SLC44A2: variants seen among roughly 807,000 people sequenced by gnomAD.
SLC44A2 encodes the protein solute carrier family 44 member 2 (CTL2 blood group).
A neutral mutation model predicts 90.8 loss-of-function variants in SLC44A2; 57 were observed. The observed-to-expected ratio is 0.63, with a 90% CI of 0.51 to 0.78. The LOEUF (loss-of-function observed/expected upper bound fraction) is 0.78, where lower values mean the gene tolerates loss of function less well. Ranked by LOEUF, SLC44A2 falls within the 30% of genes least tolerant of loss-of-function variation. The pLI is 0.00. For missense variants in SLC44A2, 794 were observed against 919.7 expected (o/e 0.86, Z 1.77); for synonymous variants, 355 against 360.7 (o/e 0.98, Z 0.18).
At chr19:10,621,319 T>C (rs1423966282), upstream of SLC44A2, among the ~76,000 whole-genome samples, 1 of 147,318 alleles carries the variant, frequency 6.8e-6, no homozygotes, top group Non-Finnish European at 1.5e-5. Flanking sequence ...ACCACTGCAC[T>C]CCAGCCTGGG....
chr19:10,602,532 T>C, exon 1 of SLC44A2: 1 of 1,277,724 alleles, frequency 7.8e-7, no homozygotes, highest in Non-Finnish European at 9.9e-7. Context: ...GCCGCGGCCA[T>C]GGAGGACGAG....
rs199756191 is a variant in SLC44A2, at chr19:10,631,418, T to G, written c.441+33T>G. 61 of 1,613,998 alleles carry G rather than the reference T, an allele frequency of 3.8e-5. No individual in the cohort carries two copies. The East Asian group carries it at 1.4e-3, about 36-fold the overall frequency. On this transcript the variant is annotated intron_variant, in intron 6 of 21. Coordinates refer to ENST00000335757, the MANE Select transcript of SLC44A2 (RefSeq NM_020428.4). ...GTAGACTGTCCTGAGAGCACAGGTATGGGCAGTGGCAGTGTACTAGACTTG... is the reference window on the plus strand; with the variant it reads ...GTAGACTGTCCTGAGAGCACAGGTAGGGGCAGTGGCAGTGTACTAGACTTG...
intron 21 of SLC44A2, chr19:10,642,933 G>C (rs745387734): frequency 1.3e-6 from 2 of 1,595,082 alleles, no homozygotes; most frequent in Non-Finnish European, 1.7e-6. Flanking sequence ...TCTCAGGAGC[G>C]ACCCTACTTC....
intron 21 of SLC44A2, chr19:10,642,853 C>A: frequency 1.3e-6 from 2 of 1,535,888 alleles, no homozygotes; most frequent in East Asian, 2.4e-5. Flanking sequence ...CCTCCCTTCC[C>A]GACCACCCCA....
At position 10,631,344 on chromosome 19, in the gene SLC44A2, T is replaced by C. The variant is rs1254495607; in HGVS notation, c.400T>C (p.Tyr134His). Residue 134 changes from tyrosine (Y) to histidine (H), a missense_variant, in exon 6 of 22, where the codon TAC becomes CAC. Physicochemically the swap from Tyr to His is moderately conservative, Grantham distance 83 (BLOSUM62 2). Transcript: ENST00000335757. ...TGCTCGCAGCTCCCGGGACTTTGAG[T>C]ACTATAAGCAGTTCTGTGTTCCTGG... is the stretch of plus-strand genomic sequence containing the variant. Reference protein sequence around the residue: ...LNARSSRDFEYYKQFCVPGFK... With the variant: ...LNARSSRDFEHYKQFCVPGFK... The C allele has an allele frequency of 6.2e-7, 1 of 1,614,142 alleles. No individual in the cohort carries two copies. Among genetic ancestry groups the C allele is most frequent in the Non-Finnish European group, 8.5e-7 (1 of 1,180,042 alleles).
chr19:10,629,211 A>G (rs2066966699), intron 4 of SLC44A2, among the ~76,000 whole-genome samples: 2 of 151,146 alleles, frequency 1.3e-5, no homozygotes, highest in Non-Finnish European at 1.5e-5. Context: ...CTCAAAAAAA[A>G]AAAAAAGAAT....
chr19:10,622,327 G>A (rs535274376), upstream of SLC44A2, among the ~76,000 whole-genome samples: 69 of 152,160 alleles, frequency 4.5e-4, no homozygotes, highest in Middle Eastern at 3.4e-3. Flanking sequence ...CTTTTTCCTC[G>A]GAATGAGGTG....
At chr19:10,604,244 C>T (rs1315768026) in intron 1 of SLC44A2, among the ~76,000 whole-genome samples, 3 of 151,992 alleles carry the variant, frequency 2.0e-5, no homozygotes, top group South Asian at 2.1e-4. Context: ...GAAACAGCAG[C>T]GATTATTTTA....
chr19:10,642,254 A>T (rs1052677514), intron 20 of SLC44A2, 113 bp from the exon 21 acceptor site: 1 of 847,610 alleles, frequency 1.2e-6, no homozygotes, highest in African/African-American at 1.7e-5. Context: ...CACTAATCCA[A>T]AGAGGGTTTC....
chr19:10,636,250 C>T, intron 14 of SLC44A2, 73 bp from the exon 15 acceptor site: 8 of 1,531,134 alleles, frequency 5.2e-6, no homozygotes, highest in Non-Finnish European at 6.2e-6. Context: ...CCTGGCCCCA[C>T]ACCTGATGCT....
At position 10,636,372 on chromosome 19, in the gene SLC44A2, A is replaced by G; in HGVS notation, c.1283A>G (p.Gln428Arg). Reference sequence around the variant, plus strand: ...CGCCAATGCCCCAATGCCCGTTGCCAGTTCGCCTTCTACGGTGGTGAGTCG... The same window carrying G: ...CGCCAATGCCCCAATGCCCGTTGCCGGTTCGCCTTCTACGGTGGTGAGTCG... ...ESRQCPNARC[Q>R]FAFYGGESGY... The change falls in exon 15 of 22, where the codon CAG (glutamine) becomes CGG (arginine). Residue 428 changes from glutamine to arginine, a missense_variant. By Grantham distance (43) the Gln-to-Arg change is conservative. Around this residue, in one of 3 missense-constraint regions of SLC44A2, gnomAD observed 738 missense variants for 841.1 expected, o/e 0.88. Coordinates refer to ENST00000335757, the MANE Select transcript of SLC44A2 (RefSeq NM_020428.4). The G allele has an allele frequency of 6.2e-7, 1 of 1,613,468 alleles. No individual in the cohort carries two copies. Among genetic ancestry groups the G allele is most frequent in the Non-Finnish European group, 8.5e-7 (1 of 1,179,816 alleles).
intron 1 of SLC44A2, among the ~76,000 whole-genome samples, chr19:10,606,852 C>T (rs1194706286): frequency 8.4e-6 from 1 of 119,744 alleles, no homozygotes; most frequent in African/African-American, 3.0e-5. Context: ...TATATATATA[C>T]ACATACACAT....
chr19:10,631,578 G>C, intron 7 of SLC44A2, 43 bp downstream of exon 7: 1 of 1,613,966 alleles, frequency 6.2e-7, no homozygotes, highest in South Asian at 1.1e-5. Flanking sequence ...TGACGGGGAG[G>C]CTCTGCAGAG....
Position 10,643,277 on chromosome 19 carries a change from A to C in SLC44A2, c.2015-2A>C. ...CTCCTGCTCTGGGACCTCTCTCCAC[A>C]GTGGAGGACCTGGAGAGGAATGACG... On this transcript the variant is annotated splice_acceptor_variant, in intron 21 of 21. Transcript: ENST00000335757. LOFTEE classifies it high-confidence loss of function. 1 of 1,609,542 alleles carries C rather than the reference A, an allele frequency of 6.2e-7. No homozygotes were observed.
intron 20 of SLC44A2, chr19:10,641,182 C>T (rs934503385): frequency 2.8e-6 from 1 of 355,694 alleles, no homozygotes; most frequent in African/African-American, 2.2e-5. Context: ...CGCTTGAGCT[C>T]AGGAGTTTGA....
upstream of SLC44A2, among the ~76,000 whole-genome samples, chr19:10,623,014 T>A (rs534131397): frequency 1.3e-5 from 2 of 152,286 alleles, no homozygotes; most frequent in African/African-American, 4.8e-5. Flanking sequence ...TCCAGAGGGC[T>A]TAACTTTTGG....
intron 16 of SLC44A2, 103 bp from the exon 17 acceptor site, chr19:10,637,541 A>G (rs2067071098): frequency 9.5e-7 from 1 of 1,055,114 alleles, no homozygotes; most frequent in South Asian, 1.3e-5. Flanking sequence ...GCGTGGACTC[A>G]GGAGACCTGG....
At chr19:10,606,588 A>C (rs1188080021) in intron 1 of SLC44A2, among the ~76,000 whole-genome samples, 3 of 152,136 alleles carry the variant, frequency 2.0e-5, no homozygotes, top group Non-Finnish European at 4.4e-5. Flanking sequence ...AGGCAAGTGG[A>C]TCACCTGGGG....
chr19:10,643,200 C>T (rs2067136996), intron 21 of SLC44A2, 79 bp from the exon 22 acceptor site: 2 of 1,518,430 alleles, frequency 1.3e-6, no homozygotes, highest in Admixed American at 4.3e-5. Context: ...CTCTGTGACC[C>T]TCATCCACCT....
Sources: gnomAD v4.1 joint callset for allele counts (sites outside exome capture counted in the v4.1 genomes callset) on GRCh38, gnomAD v4.1.1 for gene constraint, gnomAD v4.1.1 regional missense constraint, MANE v1.5 for transcripts, NCBI Gene and HGNC (gene_info 2026-07-23, HGNC 2026-07-21) for gene names.